GNPTAB: variants seen among roughly 807,000 people sequenced by gnomAD.
The protein encoded by GNPTAB is N-acetylglucosamine-1-phosphotransferase subunits alpha/beta.
A neutral mutation model predicts 136.6 loss-of-function variants in GNPTAB; 92 were observed. That is an observed-to-expected ratio of 0.67 (90% CI 0.57 to 0.80). The LOEUF (loss-of-function observed/expected upper bound fraction) is 0.80, where lower values mean the gene tolerates loss of function less well. Ranked by LOEUF, GNPTAB falls within the 30% of genes least tolerant of loss-of-function variation. The pLI is 0.00. For synonymous variants in GNPTAB, 512 were observed against 535.1 expected (o/e 0.96, Z 0.60); for missense variants, 1,343 against 1,501.8 (o/e 0.89, Z 1.75).
intron 1 of GNPTAB, among the ~76,000 whole-genome samples, chr12:101,828,570 A>T (rs746190883): frequency 5.9e-5 from 9 of 151,674 alleles, no homozygotes; most frequent in African/African-American, 9.7e-5. Flanking sequence ...GAGACATGAG[A>T]ATCACGTGAA....
At chr12:101,829,135 C>G (rs762868289) in intron 1 of GNPTAB, among the ~76,000 whole-genome samples, 5 of 152,150 alleles carry the variant, frequency 3.3e-5, no homozygotes, top group Non-Finnish European at 7.3e-5. Flanking sequence ...AACAAAATGT[C>G]TCTCTTTTGG....
intron 7 of GNPTAB, among the ~76,000 whole-genome samples, chr12:101,775,516 C>A (rs1335384525): frequency 6.6e-6 from 1 of 152,076 alleles, no homozygotes; most frequent in Admixed American, 6.6e-5. Flanking sequence ...CACGCCACCA[C>A]ATCCAGCTAA....
At chr12:101,811,378 T>G (rs1870222853) in intron 1 of GNPTAB, among the ~76,000 whole-genome samples, 2 of 87,810 alleles carry the variant, frequency 2.3e-5, no homozygotes, top group African/African-American at 1.5e-4. Flanking sequence ...TTCACATAAT[T>G]TTTTCTTTTT....
At chr12:101,777,872 C>A (rs759277532) in intron 7 of GNPTAB, among the ~76,000 whole-genome samples, 62 of 152,144 alleles carry the variant, frequency 4.1e-4, no homozygotes, top group Non-Finnish European at 6.3e-4. Flanking sequence ...AAGTCCTAGT[C>A]CCTGAAGTTG....
chr12:101,817,875 C>T (rs1019484325), intron 1 of GNPTAB, among the ~76,000 whole-genome samples: 1 of 152,162 alleles, frequency 6.6e-6, no homozygotes, highest in Non-Finnish European at 1.5e-5. Context: ...TCCTGTTGCC[C>T]GTTTTCCCCC....
At chr12:101,816,108 G>A (rs537179002) in intron 1 of GNPTAB, among the ~76,000 whole-genome samples, 1 of 152,186 alleles carries the variant, frequency 6.6e-6, no homozygotes, top group South Asian at 2.1e-4. Context: ...GAAAATAACT[G>A]GGGAAATTCA....
intron 1 of GNPTAB, among the ~76,000 whole-genome samples, chr12:101,829,869 G>A (rs1011271884): frequency 6.6e-6 from 1 of 152,022 alleles, no homozygotes; most frequent in South Asian, 2.1e-4. Flanking sequence ...TTGGGCCAGG[G>A]TTACAGTATT....
chr12:101,780,236 G>C lies in GNPTAB; in HGVS notation c.687C>G (p.Phe229Leu). 1 of 1,613,718 alleles carries C rather than the reference G, an allele frequency of 6.2e-7. No homozygotes were observed. Among genetic ancestry groups the C allele is most frequent in the African/African-American group, 1.3e-5 (1 of 75,026 alleles). The change falls in exon 7 of 21, where the codon TTC becomes TTG. Residue 229 changes from phenylalanine (F) to leucine (L), a missense_variant. Physicochemically the swap from Phe to Leu is conservative, Grantham distance 22. Coordinates refer to ENST00000299314, the MANE Select transcript of GNPTAB (RefSeq NM_024312.5). ...TGAATGTTGGTGGAAATCCACTCAG[G>C]AAAGCCAAATCTTGCATTAGCACTA... ...PGLVLMQDLA[F>L]LSGFPPTFKE...
chr12:101,820,628 A>G (rs1870744006), intron 1 of GNPTAB, among the ~76,000 whole-genome samples: 1 of 152,242 alleles, frequency 6.6e-6, no homozygotes, highest in Admixed American at 6.5e-5. Context: ...AGCTGTATCA[A>G]CCAAAAATGT....
Position 101,786,255 on chromosome 12 carries a change from T to G in GNPTAB, c.366-38A>C. On this transcript the variant is annotated intron_variant, in intron 4 of 20. Transcript: ENST00000299314. ...ACCAACATGCTTACAATTACATTCTTGAAATTTAATCAGCAATGAGAAGCT... is the reference window on the plus strand; with the variant it reads ...ACCAACATGCTTACAATTACATTCTGGAAATTTAATCAGCAATGAGAAGCT... The G allele has an allele frequency of 3.3e-6, 5 of 1,517,592 alleles. No homozygotes were observed. The highest frequency in any genetic ancestry group is 4.5e-6 in the Non-Finnish European group (5 of 1,101,160). 94.0% of individuals were successfully genotyped at this position (1,517,592 alleles called of 1,614,324 possible). A position where few individuals can be genotyped will look rare whatever the true frequency, so the allele number is the denominator to read the frequency against.
intron 1 of GNPTAB, among the ~76,000 whole-genome samples, chr12:101,817,591 G>A (rs1398261520): frequency 3.3e-5 from 5 of 152,004 alleles, no homozygotes; most frequent in South Asian, 2.1e-4. Flanking sequence ...TTGTATGCAT[G>A]TATAAAAATA....
intron 7 of GNPTAB, chr12:101,778,844 T>C (rs1430628922): frequency 6.6e-6 from 1 of 151,796 alleles, no homozygotes; most frequent in Non-Finnish European, 1.5e-5. Context: ...AGGCAGAGGT[T>C]GCAGTGTGCC....
At chr12:101,814,140 A>C (rs1870386296) in intron 1 of GNPTAB, among the ~76,000 whole-genome samples, 1 of 151,688 alleles carries the variant, frequency 6.6e-6, no homozygotes. Flanking sequence ...CTCTACAAAA[A>C]CTACAAAAAT....
intron 1 of GNPTAB, among the ~76,000 whole-genome samples, chr12:101,824,095 C>T (rs1458782551): frequency 2.5e-4 from 38 of 152,122 alleles, no homozygotes; most frequent in Admixed American, 2.5e-3. Context: ...ACAGCCCCAC[C>T]CACTCCCCTA....
At chr12:101,778,297 T>C (rs1953288812) in intron 7 of GNPTAB, 1 of 152,216 alleles carries the variant, frequency 6.6e-6, no homozygotes, top group Admixed American at 6.5e-5. Flanking sequence ...ACCTTCTTTC[T>C]TTTCAGCATT....
intron 5 of GNPTAB, among the ~76,000 whole-genome samples, chr12:101,780,908 GATGAT>G (rs2137137976): frequency 6.6e-6 from 1 of 152,324 alleles, no homozygotes; most frequent in Non-Finnish European, 1.5e-5. Context: ...GAAATGATAG[GATGAT>G]AGAAATCACA....
chr12:101,785,765 G>T (rs1868606277), intron 5 of GNPTAB: 2 of 475,786 alleles, frequency 4.2e-6, no homozygotes, highest in East Asian at 7.8e-5. Context: ...AGGTAATTGT[G>T]ATATCAGATT....
intron 18 of GNPTAB, 128 bp downstream of exon 18, chr12:101,757,084 A>G (rs536542237): frequency 4.8e-6 from 3 of 625,442 alleles, no homozygotes; most frequent in South Asian, 3.9e-5. Flanking sequence ...CTCAACCACC[A>G]GCTCCAACAC....
In GNPTAB at chr12:101,781,198, G is replaced by A. The variant is rs546638285; in HGVS notation, c.572-577C>T. ...GGTGACACAGCCCAACTGGGAGAGAGTTAGTGATGGGGACAAGTGAGATCA... is the reference window on the plus strand; with the variant it reads ...GGTGACACAGCCCAACTGGGAGAGAATTAGTGATGGGGACAAGTGAGATCA... On this transcript the variant is annotated intron_variant, in intron 5 of 20. Coordinates refer to ENST00000299314, the MANE Select transcript of GNPTAB (RefSeq NM_024312.5). 3.9e-5 allele frequency among the ~76,000 whole-genome samples: 6 copies of A among 152,304 alleles called. No homozygotes were observed. The South Asian group carries it at 1.2e-3, about 32-fold the overall frequency.
Sources: gnomAD v4.1 joint callset for allele counts (sites outside exome capture counted in the v4.1 genomes callset) on GRCh38, gnomAD v4.1.1 for gene constraint, MANE v1.5 for transcripts, NCBI Gene and HGNC (gene_info 2026-07-23, HGNC 2026-07-21) for gene names.